KCTD8: variants seen among roughly 807,000 people sequenced by gnomAD.
The protein encoded by KCTD8 is potassium channel tetramerization domain containing 8, also known as BTB/POZ domain-containing protein KCTD8.
A neutral mutation model predicts 31.5 loss-of-function variants in KCTD8; 27 were observed. That is an observed-to-expected ratio of 0.86 (90% CI 0.63 to 1.18). KCTD8 has a LOEUF of 1.18. Among genes scored for constraint, KCTD8 ranks in the 50% most tolerant of loss-of-function variants. The pLI is 0.00. For missense variants in KCTD8, 658 were observed against 647.7 expected (o/e 1.02, Z -0.17); for synonymous variants, 290 against 280.0 (o/e 1.04, Z -0.36).
intron 1 of KCTD8, among the ~76,000 whole-genome samples, chr4:44,429,758 T>C (rs1443624845): frequency 6.6e-6 from 1 of 151,700 alleles, no homozygotes; most frequent in East Asian, 1.9e-4. Context: ...TAATCATTAA[T>C]ATAATATTCC....
At chr4:44,256,107 T>C (rs1715983734) in intron 1 of KCTD8, among the ~76,000 whole-genome samples, 1 of 151,856 alleles carries the variant, frequency 6.6e-6, no homozygotes, top group Non-Finnish European at 1.5e-5. Flanking sequence ...ACATCAGATC[T>C]TGTGAGACTT....
intron 1 of KCTD8, among the ~76,000 whole-genome samples, chr4:44,260,522 G>T (rs1716131219): frequency 6.6e-6 from 1 of 151,954 alleles, no homozygotes; most frequent in African/African-American, 2.4e-5. Context: ...TATCACTTAA[G>T]ATAGGGTGGT....
intron 1 of KCTD8, among the ~76,000 whole-genome samples, chr4:44,294,334 C>T (rs934560099): frequency 6.6e-6 from 1 of 152,136 alleles, no homozygotes; most frequent in Non-Finnish European, 1.5e-5. Flanking sequence ...CTATGAGCCA[C>T]CAAAGCACTC....
At chr4:44,395,630 C>G (rs764930921) in intron 1 of KCTD8, among the ~76,000 whole-genome samples, 2 of 152,092 alleles carry the variant, frequency 1.3e-5, no homozygotes, top group East Asian at 1.9e-4. Flanking sequence ...TCACACACCC[C>G]TTGTGTGTGA....
chr4:44,228,309 C>T (rs1370796393), intron 1 of KCTD8, among the ~76,000 whole-genome samples: 2 of 152,142 alleles, frequency 1.3e-5, no homozygotes, highest in African/African-American at 4.8e-5. Context: ...TCTCTCTGTG[C>T]CTGTCCTAAT....
chr4:44,192,456 G>T (rs1388022229), intron 1 of KCTD8, among the ~76,000 whole-genome samples: 2 of 148,964 alleles, frequency 1.3e-5, no homozygotes, highest in Non-Finnish European at 3.0e-5. Flanking sequence ...CAGTGGATGG[G>T]GTGCAAGGTA....
chr4:44,193,587 T>C (rs1028287195), intron 1 of KCTD8, among the ~76,000 whole-genome samples: 35 of 152,182 alleles, frequency 2.3e-4, no homozygotes, highest in African/African-American at 7.5e-4. Context: ...AGTATTATCA[T>C]TTATTTAGAT....
chr4:44,320,170 CAAAAAAAAAAAAAAAAAA>C (rs35250421), intron 1 of KCTD8, among the ~76,000 whole-genome samples: 1 of 31,910 alleles, frequency 3.1e-5, no homozygotes, highest in South Asian at 2.0e-3. Context: ...GCCTCCATCT[CAAAAAAAAAAAAAAAAAA>C]AAAAAAAAAA....
intron 1 of KCTD8, among the ~76,000 whole-genome samples, chr4:44,336,162 A>AAAAAG (rs1344053120): frequency 4.0e-5 from 6 of 148,656 alleles, no homozygotes; most frequent in African/African-American, 1.5e-4. Flanking sequence ...AAAAAAAAAA[A>AAAAAG]AAAAAAAAAA....
intron 1 of KCTD8, among the ~76,000 whole-genome samples, chr4:44,195,127 C>T (rs1713900528): frequency 6.6e-6 from 1 of 151,686 alleles, no homozygotes; most frequent in South Asian, 2.1e-4. Context: ...ATCCACCCAC[C>T]TCGGCCTCCC....
intron 1 of KCTD8, among the ~76,000 whole-genome samples, chr4:44,379,906 G>T (rs1560440374): frequency 6.6e-6 from 1 of 151,906 alleles, no homozygotes; most frequent in Non-Finnish European, 1.5e-5. Context: ...GGATCACTTT[G>T]TAATTTCCCT....
chr4:44,190,588 G>A (rs1021233036), intron 1 of KCTD8, among the ~76,000 whole-genome samples: 1 of 152,130 alleles, frequency 6.6e-6, no homozygotes, highest in African/African-American at 2.4e-5. Flanking sequence ...CTACAGTAAC[G>A]ATGAGGGTTG....
intron 1 of KCTD8, among the ~76,000 whole-genome samples, chr4:44,259,823 C>T (rs1716109326): frequency 6.6e-6 from 1 of 151,850 alleles, no homozygotes; most frequent in Non-Finnish European, 1.5e-5. Context: ...GTTCTTTATG[C>T]ATCTGTTATT....
Position 44,448,060 on chromosome 4 carries a change from G to C in KCTD8, c.464C>G (p.Ser155Cys). The stretch of plus-strand genomic sequence containing the variant: ...GCTCTGGCAGCCCTCGTCGTTGAGA[G>C]AGTTCTGCTTGGTGACCTTGGGCGA... The part of the protein sequence containing the change: ...LLSPKVTKQN[S>C]LNDEGCQSDL... Residue 155 changes from serine (S) to cysteine (C), a missense_variant, in exon 1 of 2, where the codon TCT becomes TGT. Physicochemically the swap from Ser to Cys is moderately radical, Grantham distance 112. Coordinates refer to ENST00000360029, the MANE Select transcript of KCTD8 (RefSeq NM_198353.3). The surrounding 1 kb of genome is among the most constrained non-coding windows in gnomAD (Gnocchi z 4.1). 1 of 1,612,262 alleles carries C rather than the reference G, an allele frequency of 6.2e-7. No homozygotes were observed.
chr4:44,261,065 C>G (rs1216010584), intron 1 of KCTD8, among the ~76,000 whole-genome samples: 2 of 151,906 alleles, frequency 1.3e-5, no homozygotes, highest in African/African-American at 4.8e-5. Context: ...GACTTCAGCT[C>G]TACTTTGAAG....
chr4:44,180,865 C>T (rs1011462831), intron 1 of KCTD8, among the ~76,000 whole-genome samples: 1 of 151,998 alleles, frequency 6.6e-6, no homozygotes, highest in Non-Finnish European at 1.5e-5. Flanking sequence ...CTGTAAAATT[C>T]TGATCAAATA....
At chr4:44,343,706 A>G (rs954204091) in intron 1 of KCTD8, among the ~76,000 whole-genome samples, 1 of 152,184 alleles carries the variant, frequency 6.6e-6, no homozygotes, top group Non-Finnish European at 1.5e-5. Context: ...AATTTAAAAT[A>G]CCCAAATGTA....
At chr4:44,195,928 A>G (rs1713927954) in intron 1 of KCTD8, among the ~76,000 whole-genome samples, 1 of 152,248 alleles carries the variant, frequency 6.6e-6, no homozygotes, top group South Asian at 2.1e-4. Context: ...AATACAAGGC[A>G]TACATAGTCA....
intron 1 of KCTD8, among the ~76,000 whole-genome samples, chr4:44,359,079 T>A (rs892516677): frequency 6.6e-6 from 1 of 152,202 alleles, no homozygotes; most frequent in Non-Finnish European, 1.5e-5. Flanking sequence ...GTCAGATGGA[T>A]AGATGGCAAA....
Sources: gnomAD v4.1 joint callset for allele counts (sites outside exome capture counted in the v4.1 genomes callset) on GRCh38, gnomAD v4.1.1 for gene constraint, Gnocchi (gnomAD v3.1) non-coding constraint, MANE v1.5 for transcripts, NCBI Gene and HGNC (gene_info 2026-07-23, HGNC 2026-07-21) for gene names.